The following EPSTI1 variants were observed in gnomAD, a reference collection of about 807,000 sequenced individuals.
The protein encoded by EPSTI1 is epithelial-stromal interaction protein 1.
A neutral mutation model predicts 49.9 loss-of-function variants in EPSTI1; 66 were observed. The observed-to-expected ratio is 1.32, with a 90% confidence interval of 1.08 to 1.62. EPSTI1 has a LOEUF of 1.62. Ranked by LOEUF, EPSTI1 falls within the 40% of genes most tolerant of loss-of-function variation. EPSTI1 has a pLI of 0.00. For synonymous variants in EPSTI1, 137 were observed against 130.7 expected, an observed-to-expected ratio of 1.05 and a Z score of -0.33; for missense variants, 394 against 365.5, an observed-to-expected ratio of 1.08 and a Z score of -0.64.
intron 6 of EPSTI1, among the ~76,000 whole-genome samples, chr13:42,938,006 G>A (rs1038401368): frequency 2.5e-4 from 38 of 152,106 alleles, no homozygotes; most frequent in African/African-American, 2.9e-4. Flanking sequence ...TGGAGACTGC[G>A]TTAGCAAGCA....
chr13:42,918,033 T>G (rs995645839), intron 7 of EPSTI1, among the ~76,000 whole-genome samples: 1 of 152,222 alleles, frequency 6.6e-6, no homozygotes, highest in Non-Finnish European at 1.5e-5. Flanking sequence ...AGAACGGGCA[T>G]GTCTACTGCT....
intron 8 of EPSTI1, 99 bp downstream of exon 8, chr13:42,917,442 G>A: frequency 9.6e-7 from 1 of 1,039,884 alleles, no homozygotes; most frequent in East Asian, 2.4e-5. Flanking sequence ...TTGTTTTCAG[G>A]ATTTTCATGT....
intron 8 of EPSTI1, among the ~76,000 whole-genome samples, chr13:42,910,708 T>C (rs1402685343): frequency 3.9e-5 from 6 of 152,178 alleles, no homozygotes; most frequent in Non-Finnish European, 2.9e-5. Flanking sequence ...TTAAAAAATA[T>C]CCAAACCTTG....
intron 10 of EPSTI1, among the ~76,000 whole-genome samples, chr13:42,889,888 A>G (rs911630242): frequency 6.6e-6 from 1 of 152,218 alleles, no homozygotes; most frequent in African/African-American, 2.4e-5. Context: ...TCTAAAATGT[A>G]AAAGTCTTCC....
chr13:42,901,883 A>G (rs367795874), intron 8 of EPSTI1, among the ~76,000 whole-genome samples: 92 of 148,630 alleles, frequency 6.2e-4, no homozygotes, highest in African/African-American at 1.3e-3. Flanking sequence ...GTCATCTAGC[A>G]TTAGGTATAT....
At chr13:42,894,871 G>T in intron 10 of EPSTI1, 138 bp downstream of exon 10, 2 of 663,198 alleles carry the variant, frequency 3.0e-6, no homozygotes, top group Non-Finnish European at 5.1e-6. Flanking sequence ...CCCCCTGGCT[G>T]ACTGCCCATC....
intron 1 of EPSTI1, among the ~76,000 whole-genome samples, chr13:42,983,268 T>A (rs1977273): frequency 6.6e-6 from 1 of 151,892 alleles, no homozygotes; most frequent in African/African-American, 2.4e-5. Flanking sequence ...TTAATGTCAA[T>A]ATAAAACAAT....
At chr13:42,974,576 G>A (rs750719802) in intron 1 of EPSTI1, among the ~76,000 whole-genome samples, 13 of 151,462 alleles carry the variant, frequency 8.6e-5, no homozygotes, top group East Asian at 2.0e-4. Flanking sequence ...GGAGAATGGC[G>A]TGAACCAGGG....
At chr13:42,991,899 C>G in intron 1 of EPSTI1, 79 bp downstream of exon 1, 2 of 1,537,392 alleles carry the variant, frequency 1.3e-6, no homozygotes, top group Non-Finnish European at 1.8e-6. Flanking sequence ...GTTTTAAACT[C>G]CAAGGACCAA....
chr13:42,948,355 G>C (rs935025329), intron 6 of EPSTI1, among the ~76,000 whole-genome samples: 2 of 152,210 alleles, frequency 1.3e-5, no homozygotes, highest in African/African-American at 4.8e-5. Context: ...TTTCCTGGGA[G>C]GGCCATAGGG....
intron 7 of EPSTI1, among the ~76,000 whole-genome samples, chr13:42,923,505 G>A (rs2038083036): frequency 6.6e-6 from 1 of 152,140 alleles, no homozygotes; most frequent in African/African-American, 2.4e-5. Context: ...AGGTTGCAGT[G>A]AGCCAAGATC....
intron 9 of EPSTI1, among the ~76,000 whole-genome samples, chr13:42,896,308 G>A (rs1374554167): frequency 1.3e-5 from 2 of 152,130 alleles, no homozygotes; most frequent in East Asian, 1.9e-4. Context: ...GAATCTCTCA[G>A]CATGCAGATA....
intron 1 of EPSTI1, among the ~76,000 whole-genome samples, chr13:42,981,610 A>G (rs1468565078): frequency 1.3e-5 from 2 of 152,246 alleles, no homozygotes; most frequent in South Asian, 2.1e-4. Flanking sequence ...AAACAGGACC[A>G]TAATTTCTAC....
At chr13:42,904,002 A>G (rs1384823164) in intron 8 of EPSTI1, among the ~76,000 whole-genome samples, 1 of 152,252 alleles carries the variant, frequency 6.6e-6, no homozygotes, top group East Asian at 1.9e-4. Flanking sequence ...TTCATTAAAT[A>G]TCTGAGTGTC....
At chr13:42,950,503 C>T (rs1162116580) in intron 6 of EPSTI1, among the ~76,000 whole-genome samples, 3 of 152,164 alleles carry the variant, frequency 2.0e-5, no homozygotes, top group Non-Finnish European at 4.4e-5. Context: ...ATTGACAACA[C>T]TAAAAATAAT....
Position 42,917,642 on chromosome 13 carries a change from G to GATAA in EPSTI1, c.658-19_658-18insTTAT. The GATAA allele has an allele frequency of 2.3e-6, 1 of 425,628 alleles. No individual in the cohort carries two copies. Among genetic ancestry groups the GATAA allele is most frequent in the Non-Finnish European group, 4.1e-6 (1 of 245,758 alleles). 26.4% of individuals were successfully genotyped at this position (425,628 alleles called of 1,614,324 possible). On this transcript the variant is annotated intron_variant, in intron 7 of 10. Coordinates refer to ENST00000313624, the MANE Select transcript of EPSTI1 (RefSeq NM_033255.5). ...CTTCTGGCCTGTAAAGGTACAAAGA[G>GATAA]AAAAAAAAAAAAAAAAACAACTTGA... is the stretch of plus-strand genomic sequence containing the variant.
chr13:42,922,969 T>C lies in EPSTI1; in HGVS notation c.657+3367A>G, dbSNP rs2038059192. On this transcript the variant is annotated intron_variant, in intron 7 of 10. Coordinates refer to ENST00000313624, the MANE Select transcript of EPSTI1 (RefSeq NM_033255.5). This position sits in a 1 kb window ranked among gnomAD's most constrained non-coding sequence, Gnocchi z 4.8. The stretch of plus-strand genomic sequence containing the variant: ...AATCTTTGCTCCTGATTTCAAAAGC[T>C]TTGCTTCCCCTTACCTTGCTTGCAA... 6.6e-6 allele frequency among the ~76,000 whole-genome samples: 1 copy of C among 152,110 alleles called. No homozygotes were observed. Among genetic ancestry groups the C allele is most frequent in the Non-Finnish European group, 1.5e-5 (1 of 68,022 alleles).
chr13:42,973,541 TAAG>T lies in EPSTI1; in HGVS notation c.189-2874_189-2872del, dbSNP rs900504076. Among the ~76,000 whole-genome samples, 15 of 152,352 alleles carry T rather than the reference TAAG, an allele frequency of 9.8e-5. No homozygotes were observed. The East Asian group carries it at 2.7e-3, about 27-fold the overall frequency. On this transcript the variant is annotated intron_variant, in intron 1 of 10. Transcript: ENST00000313624. ...TAGCTTCTATTTCTATTTCTTAATA[TAAG>T]AAGAAGAGCTTAAGTCAAAGGATAT...
intron 9 of EPSTI1, among the ~76,000 whole-genome samples, chr13:42,895,624 C>T (rs1194548054): frequency 6.6e-6 from 1 of 152,214 alleles, no homozygotes; most frequent in Non-Finnish European, 1.5e-5. Context: ...TATTCTATTT[C>T]TGGAGCTTGC....
Sources: allele counts gnomAD v4.1 joint callset (sites outside exome capture counted in the v4.1 genomes callset), GRCh38; gene constraint gnomAD v4.1.1; non-coding constraint Gnocchi (gnomAD v3.1); transcripts MANE v1.5; gene names NCBI Gene and HGNC (gene_info 2026-07-23, HGNC 2026-07-21).